Variants in ZNF438 observed in about 807,000 individuals in gnomAD.
ZNF438 encodes the protein zinc finger protein 438.
ZNF438 carries 25 observed loss-of-function variants against 38.0 expected under a neutral mutation model. That is an observed-to-expected ratio of 0.66 (90% CI 0.48 to 0.92). ZNF438 has a LOEUF of 0.92. ZNF438 is among the 40% of genes least tolerant of loss of function. The pLI is 0.00. For synonymous variants in ZNF438, 372 were observed against 364.1 expected, an observed-to-expected ratio of 1.02 and a Z score of -0.25; for missense variants, 1,007 against 999.6, an observed-to-expected ratio of 1.01 and a Z score of -0.10.
chr10:30,979,158 C>T (rs545772859), intron 1 of ZNF438, among the ~76,000 whole-genome samples: 1 of 152,300 alleles, frequency 6.6e-6, no homozygotes, highest in South Asian at 2.1e-4. Flanking sequence ...TATTATTGCT[C>T]AATGAAAATG....
chr10:30,859,097 T>C (rs560928521), intron 4 of ZNF438, among the ~76,000 whole-genome samples: 28 of 152,318 alleles, frequency 1.8e-4, no homozygotes, highest in African/African-American at 6.5e-4. Context: ...CTGTTTGTTT[T>C]TGAGACAGGG....
intron 1 of ZNF438, among the ~76,000 whole-genome samples, chr10:31,006,593 T>C (rs2055150484): frequency 6.6e-6 from 1 of 151,868 alleles, no homozygotes; most frequent in Non-Finnish European, 1.5e-5. Context: ...CCCAAAGAGG[T>C]GGTTGTGGGA....
At chr10:30,944,464 A>G (rs1341941861) in intron 1 of ZNF438, among the ~76,000 whole-genome samples, 2 of 152,220 alleles carry the variant, frequency 1.3e-5, no homozygotes, top group Non-Finnish European at 2.9e-5. Context: ...ACAGGGATGT[A>G]AAGTAAATAA....
intron 4 of ZNF438, among the ~76,000 whole-genome samples, chr10:30,870,433 T>A (rs903611148): frequency 2.0e-5 from 3 of 152,162 alleles, no homozygotes; most frequent in African/African-American, 7.2e-5. Flanking sequence ...CACTTTTTTT[T>A]TTTTGCATTT....
At chr10:30,965,713 A>C (rs1045409294) in intron 1 of ZNF438, among the ~76,000 whole-genome samples, 2 of 152,194 alleles carry the variant, frequency 1.3e-5, no homozygotes, top group South Asian at 4.1e-4. Flanking sequence ...CATTACGTAC[A>C]CATGAACACA....
chr10:30,995,702 C>G (rs1343195924), intron 1 of ZNF438, among the ~76,000 whole-genome samples: 1 of 152,114 alleles, frequency 6.6e-6, no homozygotes, highest in Non-Finnish European at 1.5e-5. Flanking sequence ...ATTGGGCTAA[C>G]AACATTTACT....
At chr10:31,024,573 A>G (rs1041553825) in intron 1 of ZNF438, among the ~76,000 whole-genome samples, 6 of 152,054 alleles carry the variant, frequency 3.9e-5, no homozygotes, top group African/African-American at 1.4e-4. Flanking sequence ...GCTTGCAGTG[A>G]GCCAAGATCG....
chr10:30,954,130 G>A (rs1464859882), intron 1 of ZNF438, among the ~76,000 whole-genome samples: 2 of 151,868 alleles, frequency 1.3e-5, no homozygotes, highest in Non-Finnish European at 2.9e-5. Context: ...GCGACAGTGC[G>A]AGACTGTTTA....
intron 1 of ZNF438, among the ~76,000 whole-genome samples, chr10:31,026,134 C>G (rs1035500893): frequency 2.0e-5 from 3 of 152,118 alleles, no homozygotes; most frequent in Non-Finnish European, 4.4e-5. Context: ...ACCATAAAAA[C>G]CCTGGAAGAA....
chr10:30,847,934 G>A (rs909044688), intron 5 of ZNF438, among the ~76,000 whole-genome samples: 1 of 152,236 alleles, frequency 6.6e-6, no homozygotes, highest in Non-Finnish European at 1.5e-5. Context: ...AGTGCAGCCT[G>A]CTAGGTTCCA....
chr10:30,949,356 A>C (rs1343991717), intron 1 of ZNF438, among the ~76,000 whole-genome samples: 1 of 152,190 alleles, frequency 6.6e-6, no homozygotes, highest in African/African-American at 2.4e-5. Context: ...CGAGCAAAAT[A>C]ACCAGCTAAC....
intron 1 of ZNF438, among the ~76,000 whole-genome samples, chr10:31,021,525 C>A (rs1373486876): frequency 2.0e-5 from 3 of 152,118 alleles, no homozygotes; most frequent in Non-Finnish European, 4.4e-5. Flanking sequence ...GGAATACATT[C>A]TTAAAATAAA....
intron 1 of ZNF438, among the ~76,000 whole-genome samples, chr10:31,016,839 A>G (rs532697691): frequency 2.6e-5 from 4 of 152,310 alleles, no homozygotes; most frequent in African/African-American, 9.6e-5. Flanking sequence ...TGCCTAGCTA[A>G]ATACGTACCA....
chr10:30,977,072 T>C (rs1373356199), intron 1 of ZNF438, among the ~76,000 whole-genome samples: 1 of 152,224 alleles, frequency 6.6e-6, no homozygotes, highest in African/African-American at 2.4e-5. Context: ...CAGAATGCCA[T>C]ATATTAACAT....
intron 1 of ZNF438, among the ~76,000 whole-genome samples, chr10:31,028,376 A>T (rs1249511354): frequency 6.6e-6 from 1 of 152,206 alleles, no homozygotes; most frequent in African/African-American, 2.4e-5. Flanking sequence ...CATCACTTCA[A>T]AAGGACAGTC....
intron 4 of ZNF438, among the ~76,000 whole-genome samples, chr10:30,860,972 A>C (rs2035482772): frequency 6.6e-6 from 1 of 152,200 alleles, no homozygotes; most frequent in Non-Finnish European, 1.5e-5. Flanking sequence ...TTTGCCGAAT[A>C]AATTATTATA....
At chr10:31,006,784 G>GC (rs2055176265) in intron 1 of ZNF438, among the ~76,000 whole-genome samples, 1 of 116,604 alleles carries the variant, frequency 8.6e-6, no homozygotes, top group South Asian at 3.4e-4. Context: ...GGGGCGGGGG[G>GC]GGGAACTCCC....
intron 1 of ZNF438, among the ~76,000 whole-genome samples, chr10:30,973,258 C>T (rs1188470132): frequency 6.6e-6 from 1 of 152,160 alleles, no homozygotes; most frequent in Non-Finnish European, 1.5e-5. Context: ...ACTCTAGTTA[C>T]CTATTTATTC....
chr10:30,996,548 A>AT (rs2054066844), intron 1 of ZNF438, among the ~76,000 whole-genome samples: 1 of 152,120 alleles, frequency 6.6e-6, no homozygotes, highest in Non-Finnish European at 1.5e-5. Flanking sequence ...TTAGAAGCAT[A>AT]TATGCACTTA....
Sources: allele counts gnomAD v4.1 joint callset (sites outside exome capture counted in the v4.1 genomes callset), GRCh38; gene constraint gnomAD v4.1.1; transcripts MANE v1.5; gene names NCBI Gene and HGNC (gene_info 2026-07-23, HGNC 2026-07-21).